Variants in TERB1 observed in about 807,000 individuals in gnomAD.
TERB1 encodes the protein telomere repeat binding bouquet formation protein 1.
A neutral mutation model predicts 92.3 loss-of-function variants in TERB1; 63 were observed. The observed-to-expected ratio is 0.68, with a 90% CI of 0.56 to 0.84. TERB1 has a LOEUF of 0.84. Among genes scored for constraint, TERB1 ranks in the 40% least tolerant of loss-of-function variants. The probability of loss-of-function intolerance (pLI) is 0.00; values close to 1 mark genes in which losing one functional copy is unlikely to be tolerated. For missense variants in TERB1, 709 were observed against 843.7 expected (o/e 0.84, Z 1.98); for synonymous variants, 252 against 283.9 (o/e 0.89, Z 1.13).
intron 9 of TERB1, among the ~76,000 whole-genome samples, chr16:66,785,106 G>A (rs770100960): frequency 6.8e-6 from 1 of 147,120 alleles, no homozygotes; most frequent in Non-Finnish European, 1.5e-5. Context: ...TGCAACTTCC[G>A]TCTCCTGGGC....
intron 2 of TERB1, among the ~76,000 whole-genome samples, chr16:66,800,607 G>C (rs1397972606): frequency 6.6e-6 from 1 of 151,792 alleles, no homozygotes; most frequent in East Asian, 2.0e-4. Flanking sequence ...AAGATAAATG[G>C]CATCTTTTTG....
At chr16:66,759,528 G>A (rs1038568867) in intron 16 of TERB1, among the ~76,000 whole-genome samples, 6 of 152,062 alleles carry the variant, frequency 3.9e-5, no homozygotes, top group South Asian at 4.1e-4. Flanking sequence ...GGCCGGCCAC[G>A]GTGGCTCATG....
At chr16:66,755,914 T>A (rs2018129954) in intron 18 of TERB1, among the ~76,000 whole-genome samples, 2 of 152,224 alleles carry the variant, frequency 1.3e-5, no homozygotes, top group Non-Finnish European at 2.9e-5. Context: ...TTTTTAAGAA[T>A]AAGGGTCTTT....
intron 16 of TERB1, among the ~76,000 whole-genome samples, chr16:66,760,144 A>G (rs8059631): frequency 7.1e-5 from 8 of 112,708 alleles, no homozygotes; most frequent in Admixed American, 1.9e-4. Flanking sequence ...AAAAAAAAAA[A>G]AAAAGAAAAG....
Position 66,767,492 on chromosome 16 carries a change from G to A in TERB1, c.1703C>T (p.Ser568Leu). 4 of 1,494,314 alleles carry A rather than the reference G, an allele frequency of 2.7e-6. No individual in the cohort carries two copies. Among genetic ancestry groups the A allele is most frequent in the Non-Finnish European group, 3.6e-6 (4 of 1,117,848 alleles). The allele number at this position is 1,494,314 out of a possible 1,614,324, so 92.6% of individuals were successfully genotyped here. Reference protein sequence around the residue: ...LPVTDPFTLCSDIINKEVVSF... With the variant: ...LPVTDPFTLCLDIINKEVVSF... ...GACTACTTCTTTATTTATTATATCT[G>A]AACATAATGTAAATGGATCTGAAAA... is the stretch of plus-strand genomic sequence containing the variant. The change falls in exon 16 of 19, where the codon TCA becomes TTA. Residue 568 changes from serine (S) to leucine (L), a missense_variant. Coordinates refer to ENST00000433154, the MANE Select transcript of TERB1 (RefSeq NM_001136505.2).
chr16:66,793,528 T>C (rs918418271), intron 3 of TERB1, among the ~76,000 whole-genome samples: 3 of 151,864 alleles, frequency 2.0e-5, no homozygotes, highest in East Asian at 1.9e-4. Flanking sequence ...TGGTTTTTTT[T>C]TGAAATGGAG....
chr16:66,791,029 A>G lies in TERB1; in HGVS notation c.32-10T>C. On this transcript the variant is annotated splice_polypyrimidine_tract_variant and intron_variant, in intron 3 of 18. Coordinates refer to ENST00000433154, the MANE Select transcript of TERB1 (RefSeq NM_001136505.2). ...AGGTCAGTCTTCATTTCTAAAGAAC[A>G]AAAATGTCATTATTTTAAACCAAAA... The G allele has an allele frequency of 7.0e-7, 1 of 1,423,062 alleles. No homozygotes were observed. Among genetic ancestry groups the G allele is most frequent in the Non-Finnish European group, 9.5e-7 (1 of 1,047,506 alleles). 88.2% of individuals were successfully genotyped at this position (1,423,062 alleles called of 1,614,324 possible). A position where few individuals can be genotyped will look rare whatever the true frequency, so the allele number is the denominator to read the frequency against.
chr16:66,794,919 AAAAAC>A (rs957220042), intron 3 of TERB1, among the ~76,000 whole-genome samples: 4 of 101,482 alleles, frequency 3.9e-5, no homozygotes, highest in South Asian at 2.9e-4. Flanking sequence ...CAAAAAAAAA[AAAAAC>A]ACACACACAC....
chr16:66,754,920 C>A lies in TERB1; in HGVS notation c.*56G>T. ...GTTTAGAAAAATACTTTAAATGTAT[C>A]TTTCAAGGCACTGTATTTTAAGAAT... On this transcript the variant is annotated 3_prime_UTR_variant, in exon 19 of 19. Coordinates refer to ENST00000433154, the MANE Select transcript of TERB1 (RefSeq NM_001136505.2). 7.1e-7 allele frequency: 1 copy of A among 1,400,542 alleles called. No individual in the cohort carries two copies. The highest frequency in any genetic ancestry group is 9.7e-7 in the Non-Finnish European group (1 of 1,032,514). The allele number at this position is 1,400,542 out of a possible 1,614,324, so 86.8% of individuals were successfully genotyped here.
At chr16:66,792,088 A>C (rs2018845097) in intron 3 of TERB1, among the ~76,000 whole-genome samples, 1 of 152,194 alleles carries the variant, frequency 6.6e-6, no homozygotes, top group Non-Finnish European at 1.5e-5. Context: ...CATCACGACT[A>C]AGTGGGTTTA....
rs530803116 is a variant in TERB1 at position 66,768,896 on chromosome 16, G to A, written c.1620-728C>T. Reference sequence around the variant, plus strand: ...AGGCGGGCAGATCACCTGAGGTCGCGAGTTCAAGGCCAGCCTGACCAACAT... The same window carrying A: ...AGGCGGGCAGATCACCTGAGGTCGCAAGTTCAAGGCCAGCCTGACCAACAT... On this transcript the variant is annotated intron_variant, in intron 14 of 18. Coordinates refer to ENST00000433154, the MANE Select transcript of TERB1 (RefSeq NM_001136505.2). Among the ~76,000 whole-genome samples the A allele has an allele frequency of 1.8e-3, 281 of 152,150 alleles. 4 individuals carry two copies. Among genetic ancestry groups the A allele is most frequent in the Admixed American group, 7.2e-3 (110 of 15,282 alleles).
chr16:66,783,080 C>T (rs1371434837), intron 9 of TERB1, among the ~76,000 whole-genome samples: 5 of 152,150 alleles, frequency 3.3e-5, no homozygotes, highest in Non-Finnish European at 5.9e-5. Context: ...TCTTGAACTC[C>T]TAGATTCAAG....
At chr16:66,759,028 G>T (rs2018184483) in intron 17 of TERB1, 113 bp downstream of exon 17, 1 of 1,082,072 alleles carries the variant, frequency 9.2e-7, no homozygotes, top group African/African-American at 1.6e-5. Context: ...CTTAGAGACA[G>T]ATTTTCTTTT....
chr16:66,786,154 G>A (rs2018725761), intron 7 of TERB1, 25 bp from the exon 8 acceptor site: 2 of 1,535,026 alleles, frequency 1.3e-6, no homozygotes, highest in African/African-American at 1.4e-5. Flanking sequence ...AGAAAAGAAA[G>A]TAAATTAATA....
Position 66,755,290 on chromosome 16 carries a change from GC to G in TERB1, c.1997-128del, listed in dbSNP as rs2018119051. 6 of 638,730 alleles carry G rather than the reference GC, an allele frequency of 9.4e-6. No homozygotes were observed. The South Asian group carries it at 1.3e-4, about 14-fold the overall frequency. The allele number at this position is 638,730 out of a possible 1,614,324, so 39.6% of individuals were successfully genotyped here. On this transcript the variant is annotated intron_variant, in intron 18 of 18. Coordinates refer to ENST00000433154, the MANE Select transcript of TERB1 (RefSeq NM_001136505.2). ...AAACTACAGAGTGAGAAATGCCAGG[GC>G]TTCTCATCATGTGGAAACCCACTTC... is the stretch of plus-strand genomic sequence containing the variant.
chr16:66,764,933 G>A (rs2018313411), intron 16 of TERB1, among the ~76,000 whole-genome samples: 1 of 152,202 alleles, frequency 6.6e-6, no homozygotes, highest in African/African-American at 2.4e-5. Context: ...TATAGCCCAC[G>A]TTAGAAGCCA....
At chr16:66,800,719 G>A (rs1463999816) in intron 2 of TERB1, among the ~76,000 whole-genome samples, 2 of 152,002 alleles carry the variant, frequency 1.3e-5, no homozygotes, top group Non-Finnish European at 2.9e-5. Flanking sequence ...TAAAGAAGAC[G>A]CAAGAAGAGA....
chr16:66,767,338 C>CAAAAAA, intron 16 of TERB1, 77 bp downstream of exon 16: 1 of 694,890 alleles, frequency 1.4e-6, no homozygotes, highest in Non-Finnish European at 2.2e-6. Context: ...GACTCTGTAT[C>CAAAAAA]AAAAAAAAAA....
At chr16:66,784,399 T>G (rs1261471697) in intron 9 of TERB1, among the ~76,000 whole-genome samples, 1 of 152,030 alleles carries the variant, frequency 6.6e-6, no homozygotes, top group Non-Finnish European at 1.5e-5. Flanking sequence ...TGGTATGATC[T>G]TGGCTCACTG....
Sources: gnomAD v4.1 joint callset for allele counts (sites outside exome capture counted in the v4.1 genomes callset) on GRCh38, gnomAD v4.1.1 for gene constraint, MANE v1.5 for transcripts, NCBI Gene and HGNC (gene_info 2026-07-23, HGNC 2026-07-21) for gene names.